Variants in MAST4 observed in about 807,000 individuals in gnomAD.
The protein encoded by MAST4 is microtubule associated serine/threonine kinase family member 4.
Under a neutral mutation model 162.7 loss-of-function variants are expected in MAST4, and 89 were observed. The observed-to-expected ratio is 0.55, with a 90% CI of 0.46 to 0.65. MAST4 has a LOEUF of 0.65. Among genes scored for constraint, MAST4 ranks in the 30% least tolerant of loss-of-function variants. The pLI is 0.00. For missense variants in MAST4, 3,153 were observed against 3,374.0 expected (o/e 0.93, Z 1.62); for synonymous variants, 1,479 against 1,361.1 (o/e 1.09, Z -1.91).
At chr5:67,016,781 C>T (rs1311628359) in intron 4 of MAST4, among the ~76,000 whole-genome samples, 1 of 152,180 alleles carries the variant, frequency 6.6e-6, no homozygotes, top group East Asian at 1.9e-4. Flanking sequence ...CCTGAGCTTT[C>T]CCTGTATGTA....
chr5:66,787,476 G>A (rs1464082165), intron 2 of MAST4, among the ~76,000 whole-genome samples: 1 of 152,230 alleles, frequency 6.6e-6, no homozygotes, highest in African/African-American at 2.4e-5. Flanking sequence ...GACAATTGAT[G>A]GGAGATGCCC....
At chr5:67,102,889 G>C (rs1765183411) in intron 9 of MAST4, among the ~76,000 whole-genome samples, 1 of 152,174 alleles carries the variant, frequency 6.6e-6, no homozygotes, top group African/African-American at 2.4e-5. Context: ...GGTGCCGTAG[G>C]GAGGGTCTAC....
rs1479059136 is a variant in MAST4, at chr5:67,145,307, C to T, written c.3022C>T (p.Pro1008Ser). 1 of 1,613,854 alleles carries T rather than the reference C, an allele frequency of 6.2e-7. No individual in the cohort carries two copies. Among genetic ancestry groups the T allele is most frequent in the African/African-American group, 1.3e-5 (1 of 75,024 alleles). Residue 1008 changes from proline to serine, a missense_variant, in exon 23 of 29, where the codon CCT becomes TCT. Coordinates refer to ENST00000403625, the MANE Select transcript of MAST4 (RefSeq NM_001164664.2). ...HEEPGKPALPPEECAQEEPEV... is the reference protein window; with the variant it reads ...HEEPGKPALPSEECAQEEPEV... Reference sequence around the variant, plus strand: ...GGAGCCAGGAAAGCCAGCCCTTCCTCCTGAAGAGTGTGCCCAGGAGGAGCC... The same window carrying T: ...GGAGCCAGGAAAGCCAGCCCTTCCTTCTGAAGAGTGTGCCCAGGAGGAGCC...
At chr5:66,747,273 C>T (rs979300769) in intron 1 of MAST4, among the ~76,000 whole-genome samples, 2 of 152,176 alleles carry the variant, frequency 1.3e-5, no homozygotes, top group African/African-American at 4.8e-5. Flanking sequence ...ACTAGTGCTA[C>T]AGCTCTGTTT....
intron 4 of MAST4, among the ~76,000 whole-genome samples, chr5:67,017,338 G>A (rs1007007954): frequency 1.3e-5 from 2 of 152,128 alleles, no homozygotes; most frequent in African/African-American, 4.8e-5. Context: ...TTCCCTTTAG[G>A]AACTTTGTTA....
chr5:66,670,729 C>T (rs958349091), intron 1 of MAST4, among the ~76,000 whole-genome samples: 13 of 150,400 alleles, frequency 8.6e-5, no homozygotes, highest in African/African-American at 1.5e-4. Context: ...TGTGATTAGG[C>T]GGTCGACTAG....
At chr5:67,145,514 C>T in intron 23 of MAST4, 135 bp downstream of exon 23, 2 of 688,054 alleles carry the variant, frequency 2.9e-6, no homozygotes, top group Non-Finnish European at 4.9e-6. Flanking sequence ...TGGCCTCAGT[C>T]CTTAGGCTTG....
chr5:66,930,747 C>T (rs368652126), intron 4 of MAST4: 1 of 470,660 alleles, frequency 2.1e-6, no homozygotes, highest in African/African-American at 2.0e-5. Context: ...TGTCTTTCAG[C>T]AACTGAGCGA....
chr5:66,705,722 T>G (rs1750087096), intron 1 of MAST4, among the ~76,000 whole-genome samples: 1 of 152,226 alleles, frequency 6.6e-6, no homozygotes, highest in African/African-American at 2.4e-5. Flanking sequence ...TTGATTCCCT[T>G]ACCATATATT....
At chr5:66,614,210 T>C (rs1352681846) in intron 1 of MAST4, among the ~76,000 whole-genome samples, 1 of 152,122 alleles carries the variant, frequency 6.6e-6, no homozygotes, top group Non-Finnish European at 1.5e-5. Context: ...TCAGGAAAAA[T>C]AACTATGAAA....
intron 5 of MAST4, among the ~76,000 whole-genome samples, chr5:67,066,120 G>GA (rs1398459124): frequency 6.6e-6 from 1 of 151,684 alleles, no homozygotes; most frequent in African/African-American, 2.4e-5. Flanking sequence ...AATTTTGCTT[G>GA]AAAAAAATCT....
At chr5:66,999,130 C>G (rs549725877) in intron 4 of MAST4, among the ~76,000 whole-genome samples, 13 of 152,344 alleles carry the variant, frequency 8.5e-5, no homozygotes, top group African/African-American at 3.1e-4. Flanking sequence ...ATCTCTGGAT[C>G]TTGCCCAGTA....
intron 3 of MAST4, among the ~76,000 whole-genome samples, chr5:66,822,475 A>C (rs1757041778): frequency 6.6e-6 from 1 of 152,184 alleles, no homozygotes; most frequent in Admixed American, 6.5e-5. Context: ...TTGTAAATAA[A>C]TGTGTTATAT....
intron 4 of MAST4, among the ~76,000 whole-genome samples, chr5:66,994,940 C>T (rs114786806): frequency 6.6e-6 from 1 of 152,232 alleles, no homozygotes; most frequent in Non-Finnish European, 1.5e-5. Context: ...GGAAGCAGGT[C>T]TGGAATTCAA....
chr5:66,915,393 A>G (rs1446956035), intron 4 of MAST4, among the ~76,000 whole-genome samples: 2 of 152,080 alleles, frequency 1.3e-5, no homozygotes, highest in Non-Finnish European at 2.9e-5. Flanking sequence ...TCCCTGGATG[A>G]TAAGAAATTA....
intron 2 of MAST4, among the ~76,000 whole-genome samples, chr5:66,780,886 C>T (rs1305106149): frequency 1.3e-5 from 2 of 152,192 alleles, no homozygotes; most frequent in African/African-American, 2.4e-5. Context: ...GGTGCGTTTA[C>T]AATCCTCTAG....
At chr5:67,015,227 A>C (rs1366845556) in intron 4 of MAST4, among the ~76,000 whole-genome samples, 1 of 152,198 alleles carries the variant, frequency 6.6e-6, no homozygotes, top group African/African-American at 2.4e-5. Context: ...CTATTGTTCC[A>C]GAAAGATTAT....
intron 4 of MAST4, among the ~76,000 whole-genome samples, chr5:66,915,670 G>T (rs1764067130): frequency 6.6e-6 from 1 of 152,208 alleles, no homozygotes; most frequent in African/African-American, 2.4e-5. Flanking sequence ...TAACTAAACA[G>T]TTGAGGCTGC....
At chr5:66,923,098 A>G (rs1764652967) in intron 4 of MAST4, among the ~76,000 whole-genome samples, 1 of 152,220 alleles carries the variant, frequency 6.6e-6, no homozygotes, top group Non-Finnish European at 1.5e-5. Flanking sequence ...CCTGAACAAT[A>G]AAATCTGAGC....
Sources: gnomAD v4.1 joint callset for allele counts (sites outside exome capture counted in the v4.1 genomes callset) on GRCh38, gnomAD v4.1.1 for gene constraint, MANE v1.5 for transcripts, NCBI Gene and HGNC (gene_info 2026-07-23, HGNC 2026-07-21) for gene names.